Variants in NUP35 observed in about 807,000 individuals in gnomAD.
NUP35 encodes nucleoporin 35.
A neutral mutation model predicts 41.5 loss-of-function variants in NUP35; 25 were observed. The ratio of observed to expected loss-of-function variants is 0.60; its 90% CI spans 0.44 to 0.84. The LOEUF (loss-of-function observed/expected upper bound fraction) is 0.84. Among genes scored for constraint, NUP35 ranks in the 40% least tolerant of loss-of-function variants. The pLI, the probability that NUP35 is intolerant of heterozygous loss-of-function variation, is 0.00. For missense variants in NUP35, 396 were observed against 396.6 expected, an observed-to-expected ratio of 1.00 and a Z score of 0.01; for synonymous variants, 149 against 130.7, an observed-to-expected ratio of 1.14 and a Z score of -0.96.
At chr2:183,138,736 CTT>C (rs1684981266) in intron 4 of NUP35, among the ~76,000 whole-genome samples, 1 of 151,908 alleles carries the variant, frequency 6.6e-6, no homozygotes, top group Non-Finnish European at 1.5e-5. Flanking sequence ...AGTTCTTTCA[CTT>C]ATATATTAGC....
At chr2:183,140,054 TA>T (rs1685031878) in intron 4 of NUP35, among the ~76,000 whole-genome samples, 1 of 152,224 alleles carries the variant, frequency 6.6e-6, no homozygotes, top group Non-Finnish European at 1.5e-5. Context: ...AAACTATCCT[TA>T]TTCTAGACTA....
upstream of NUP35, among the ~76,000 whole-genome samples, chr2:183,122,459 C>T (rs1174839901): frequency 2.6e-5 from 4 of 152,018 alleles, no homozygotes; most frequent in Non-Finnish European, 4.4e-5. Flanking sequence ...TAAATAAACC[C>T]GTTATTAAAT....
intron 5 of NUP35, among the ~76,000 whole-genome samples, chr2:183,152,560 T>TA (rs2105605754): frequency 6.6e-6 from 1 of 152,310 alleles, no homozygotes; most frequent in African/African-American, 2.4e-5. Context: ...CTAAGTTACT[T>TA]CACTTAGAAT....
chr2:183,138,109 G>T (rs1406786608), intron 4 of NUP35, among the ~76,000 whole-genome samples: 2 of 151,638 alleles, frequency 1.3e-5, no homozygotes, highest in Non-Finnish European at 2.9e-5. Context: ...TCTTAATGGG[G>T]TATAAGTGAC....
intron 4 of NUP35, among the ~76,000 whole-genome samples, chr2:183,149,918 T>A (rs1034973968): frequency 1.3e-5 from 2 of 152,138 alleles, no homozygotes; most frequent in African/African-American, 4.8e-5. Flanking sequence ...TTAATTTTTT[T>A]ATTTTTTTGA....
At chr2:183,133,041 T>A (rs1684750030) in intron 3 of NUP35, among the ~76,000 whole-genome samples, 1 of 152,208 alleles carries the variant, frequency 6.6e-6, no homozygotes, top group Non-Finnish European at 1.5e-5. Context: ...TTTTAATCCT[T>A]AATTTTCTTA....
At position 183,161,042 on chromosome 2, in the gene NUP35, G is replaced by A; in HGVS notation, c.904-12G>A. On this transcript the variant is annotated splice_polypyrimidine_tract_variant and intron_variant, in intron 8 of 8. Coordinates refer to ENST00000295119, the MANE Select transcript of NUP35 (RefSeq NM_138285.5). ...TAACCTAACCGTTTTTTTTGTGTGT[G>A]TTTTTTAATAGGTTATTTCTGACAG... 1.2e-6 allele frequency: 2 copies of A among 1,605,782 alleles called. No homozygotes were observed. The highest frequency in any genetic ancestry group is 1.7e-6 in the Non-Finnish European group (2 of 1,173,890).
intron 1 of NUP35, among the ~76,000 whole-genome samples, chr2:183,126,498 T>C (rs1484176809): frequency 1.3e-5 from 2 of 152,216 alleles, no homozygotes; most frequent in East Asian, 1.9e-4. Context: ...GTTTAGACTT[T>C]TGGTTTGATT....
At chr2:183,149,953 G>A (rs1240503544) in intron 4 of NUP35, among the ~76,000 whole-genome samples, 1 of 151,530 alleles carries the variant, frequency 6.6e-6, no homozygotes, top group South Asian at 2.1e-4. Context: ...GTCACCCAGG[G>A]TGTAATGCAG....
intron 5 of NUP35, among the ~76,000 whole-genome samples, chr2:183,154,371 T>C (rs1313523783): frequency 2.6e-5 from 4 of 152,242 alleles, no homozygotes; most frequent in South Asian, 2.1e-4. Flanking sequence ...TTCTGAACTT[T>C]TATGCTGTGT....
At chr2:183,128,145 A>G in intron 1 of NUP35, 142 bp from the exon 2 acceptor site, 1 of 496,614 alleles carries the variant, frequency 2.0e-6, no homozygotes, top group Non-Finnish European at 3.3e-6. Flanking sequence ...TTTTAAAATA[A>G]TAAATTCAAC....
At chr2:183,148,967 C>T (rs940983969) in intron 4 of NUP35, among the ~76,000 whole-genome samples, 3 of 152,150 alleles carry the variant, frequency 2.0e-5, no homozygotes. Context: ...TAGCTTTTCC[C>T]CCCACCTTCT....
In NUP35 at chr2:183,152,452, G is replaced by A. The variant is rs527724557; in HGVS notation, c.539+803G>A. Among the ~76,000 whole-genome samples the A allele has an allele frequency of 5.3e-5, 8 of 151,998 alleles. No homozygotes were observed. The East Asian group carries it at 7.8e-4, about 15-fold the overall frequency. On this transcript the variant is annotated intron_variant, in intron 5 of 8. Transcript: ENST00000295119. The stretch of plus-strand genomic sequence containing the variant: ...TCACCCCTTTCCCACCCTTTCCCCC[G>A]AGTCCCCAAAGTCCATTGCATCATT...
Position 183,159,522 on chromosome 2 carries a change from C to T in NUP35, c.773C>T (p.Ser258Leu). Residue 258 changes from serine to leucine, a missense_variant, in exon 8 of 9, where the codon TCA (serine) becomes TTA (leucine). Coordinates refer to ENST00000295119, the MANE Select transcript of NUP35 (RefSeq NM_138285.5). ...GAAAGCAGTGACAGATGTGCTTTATCATCTCCATCTTTAGCCTTTACACCA... is the reference window on the plus strand; with the variant it reads ...GAAAGCAGTGACAGATGTGCTTTATTATCTCCATCTTTAGCCTTTACACCA... ...VMESSDRCAL[S>L]SPSLAFTPPI... The T allele has an allele frequency of 6.2e-7, 1 of 1,613,506 alleles. No homozygotes were observed. Among genetic ancestry groups the T allele is most frequent in the South Asian group, 1.1e-5 (1 of 91,056 alleles).
upstream of NUP35, chr2:183,124,410 T>G (rs1452719731): frequency 1.2e-6 from 2 of 1,613,872 alleles, no homozygotes; most frequent in Non-Finnish European, 1.7e-6. Flanking sequence ...CCGCCATTTT[T>G]GAAAATTAAT....
At chr2:183,140,358 CT>C (rs779951469) in intron 4 of NUP35, among the ~76,000 whole-genome samples, 2 of 151,992 alleles carry the variant, frequency 1.3e-5, no homozygotes, top group African/African-American at 2.4e-5. Flanking sequence ...TCCTCTTCCC[CT>C]TTTAAGGACC....
At chr2:183,156,336 T>A (rs1344156272) in intron 5 of NUP35, among the ~76,000 whole-genome samples, 1 of 152,180 alleles carries the variant, frequency 6.6e-6, no homozygotes, top group Non-Finnish European at 1.5e-5. Flanking sequence ...ATATAGATTT[T>A]ATTTAATTAA....
intron 1 of NUP35, among the ~76,000 whole-genome samples, chr2:183,125,554 C>T (rs1256145667): frequency 6.6e-6 from 1 of 152,174 alleles, no homozygotes; most frequent in Non-Finnish European, 1.5e-5. Flanking sequence ...TGCATAATGT[C>T]AATAATGCAG....
chr2:183,142,671 G>C (rs1685139384), intron 4 of NUP35, among the ~76,000 whole-genome samples: 1 of 151,240 alleles, frequency 6.6e-6, no homozygotes, highest in Non-Finnish European at 1.5e-5. Flanking sequence ...GTAGAGACAG[G>C]GTTTCACCAT....
Sources: gnomAD v4.1 joint callset for allele counts (sites outside exome capture counted in the v4.1 genomes callset) on GRCh38, gnomAD v4.1.1 for gene constraint, MANE v1.5 for transcripts, NCBI Gene and HGNC (gene_info 2026-07-23, HGNC 2026-07-21) for gene names.